Variants in RBFOX3 observed in about 807,000 individuals in gnomAD.
RBFOX3 encodes the protein RNA binding protein fox-1 homolog 3.
In RBFOX3, 17 loss-of-function variants were observed where a neutral mutation model predicts 48.7. That is an observed-to-expected ratio of 0.35 (90% CI 0.24 to 0.52). RBFOX3 has a LOEUF of 0.52. Among genes scored for constraint, RBFOX3 ranks in the 20% least tolerant of loss-of-function variants. RBFOX3 has a pLI of 0.94. For missense variants in RBFOX3, 382 were observed against 497.5 expected, an observed-to-expected ratio of 0.77 and a Z score of 2.21; for synonymous variants, 212 against 209.5, an observed-to-expected ratio of 1.01 and a Z score of -0.10.
At chr17:79,276,455 G>A (rs1282701381) in intron 3 of RBFOX3, among the ~76,000 whole-genome samples, 2 of 152,182 alleles carry the variant, frequency 1.3e-5, no homozygotes, top group African/African-American at 2.4e-5. Flanking sequence ...GGAGGCTGAG[G>A]CGGGCGGATC....
intron 1 of RBFOX3, among the ~76,000 whole-genome samples, chr17:79,537,158 C>T (rs2088940696): frequency 6.6e-6 from 1 of 152,000 alleles, no homozygotes; most frequent in Non-Finnish European, 1.5e-5. Context: ...CATTTATCCT[C>T]TTACAGTTCA....
chr17:79,463,130 G>A (rs551577954), intron 2 of RBFOX3, among the ~76,000 whole-genome samples: 23 of 141,176 alleles, frequency 1.6e-4, no homozygotes, highest in African/African-American at 4.8e-4. Context: ...CATCGCCACC[G>A]CCACTGCCAC....
At chr17:79,462,223 C>T (rs1160367556) in intron 2 of RBFOX3, among the ~76,000 whole-genome samples, 1 of 152,220 alleles carries the variant, frequency 6.6e-6, no homozygotes, top group Non-Finnish European at 1.5e-5. Flanking sequence ...CCAACAAACA[C>T]TCATGAGATG....
At chr17:79,150,983 G>A (rs1197586754) in intron 4 of RBFOX3, among the ~76,000 whole-genome samples, 2 of 152,180 alleles carry the variant, frequency 1.3e-5, no homozygotes, top group Admixed American at 6.5e-5. Context: ...GCTGGTGGCC[G>A]CCCCGCTGCT....
chr17:79,606,035 T>C (rs2093822310), intron 1 of RBFOX3, among the ~76,000 whole-genome samples: 1 of 152,168 alleles, frequency 6.6e-6, no homozygotes, highest in African/African-American at 2.4e-5. Flanking sequence ...CTGCAGAGCC[T>C]TCGATACCAC....
chr17:79,398,868 A>G (rs1211402375), intron 2 of RBFOX3, among the ~76,000 whole-genome samples: 1 of 152,206 alleles, frequency 6.6e-6, no homozygotes, highest in African/African-American at 2.4e-5. Context: ...AGATAAGTTG[A>G]AGCGCAAACC....
At chr17:79,631,027 G>A in the RBFOX3 span, among the ~76,000 whole-genome samples, 1 of 152,258 alleles carries the variant, frequency 6.6e-6, no homozygotes, top group Admixed American at 6.5e-5. Context: ...CACTCAGACA[G>A]CAAAGCAAGT....
intron 4 of RBFOX3, among the ~76,000 whole-genome samples, chr17:79,177,991 G>A (rs1030353252): frequency 6.6e-6 from 1 of 152,152 alleles, no homozygotes; most frequent in Non-Finnish European, 1.5e-5. Context: ...GAGGCTGCTG[G>A]CTGCGCACAG....
At chr17:79,342,088 C>A (rs1038478968) in intron 2 of RBFOX3, among the ~76,000 whole-genome samples, 2 of 152,254 alleles carry the variant, frequency 1.3e-5, no homozygotes, top group African/African-American at 4.8e-5. Context: ...GCGATAAAAG[C>A]CATGTGCTTC....
chr17:79,178,998 C>T (rs1166868207), intron 4 of RBFOX3, among the ~76,000 whole-genome samples: 1 of 152,166 alleles, frequency 6.6e-6, no homozygotes, highest in Non-Finnish European at 1.5e-5. Flanking sequence ...ACTCTCTAGC[C>T]ACCCATGCTG....
Position 79,095,657 on chromosome 17 carries a change from C to A in RBFOX3, c.937-83G>T, listed in dbSNP as rs138199975. On this transcript the variant is annotated intron_variant, in intron 12 of 14. Transcript: ENST00000693108. Reference sequence around the variant, plus strand: ...AGGCTGAGTGGGGAGAGGAGACAGACCCTGTGCGGGTGGGGCCCTGGGAGG... The same window carrying A: ...AGGCTGAGTGGGGAGAGGAGACAGAACCTGTGCGGGTGGGGCCCTGGGAGG... The A allele has an allele frequency of 6.8e-5, 87 of 1,280,888 alleles. No individual in the cohort carries two copies. In the African/African-American group the frequency reaches 1.1e-3, roughly 17 times the overall value. The allele number at this position is 1,280,888 out of a possible 1,614,324, so 79.3% of individuals were successfully genotyped here.
chr17:79,478,700 C>T (rs1375110289), intron 2 of RBFOX3, among the ~76,000 whole-genome samples: 4 of 152,170 alleles, frequency 2.6e-5, no homozygotes, highest in South Asian at 4.1e-4. Context: ...AGCAGATGAC[C>T]CTCCTCTGGA....
chr17:79,393,233 G>A (rs1039929341), intron 2 of RBFOX3, among the ~76,000 whole-genome samples: 19 of 152,194 alleles, frequency 1.2e-4, no homozygotes, highest in African/African-American at 3.6e-4. Context: ...TTCCACCCGC[G>A]TAGCCGCCTG....
chr17:79,358,492 G>T (rs930642438), intron 2 of RBFOX3, among the ~76,000 whole-genome samples: 2 of 151,958 alleles, frequency 1.3e-5, no homozygotes, highest in Non-Finnish European at 2.9e-5. Flanking sequence ...ATGGAGTTCT[G>T]CCCTGTCACT....
chr17:79,556,343 GA>G (rs2091756204), intron 1 of RBFOX3, among the ~76,000 whole-genome samples: 2 of 132,532 alleles, frequency 1.5e-5, no homozygotes, highest in African/African-American at 6.2e-5. Flanking sequence ...AGGCAAAATA[GA>G]CAGCAGTTCC....
chr17:79,496,224 G>A (rs1316042308), intron 1 of RBFOX3, among the ~76,000 whole-genome samples: 5 of 152,122 alleles, frequency 3.3e-5, no homozygotes, highest in Middle Eastern at 3.4e-3. Flanking sequence ...CCTAAAAGCC[G>A]GTGGGCCTGG....
chr17:79,629,367 A>G, the RBFOX3 span, among the ~76,000 whole-genome samples: 1 of 152,286 alleles, frequency 6.6e-6, no homozygotes, highest in East Asian at 1.9e-4. Flanking sequence ...ACAAAAGAAG[A>G]CTGAGAAATG....
At chr17:79,227,654 GGAGCACATGT>G (rs2060475137) in intron 4 of RBFOX3, among the ~76,000 whole-genome samples, 1 of 149,296 alleles carries the variant, frequency 6.7e-6, no homozygotes. Context: ...GCTTATAACT[GGAGCACATGT>G]GATGGCCAAG....
chr17:79,484,476 G>GGGGGCCTGGGTGCA, intron 1 of RBFOX3, among the ~76,000 whole-genome samples: 1 of 127,970 alleles, frequency 7.8e-6, no homozygotes, highest in East Asian at 2.6e-4. Flanking sequence ...CCTGGGTGCA[G>GGGGGCCTGGGTGCA]GGGGCCTGGG....
Sources: gnomAD v4.1 joint callset for allele counts (sites outside exome capture counted in the v4.1 genomes callset) on GRCh38, gnomAD v4.1.1 for gene constraint, MANE v1.5 for transcripts, NCBI Gene and HGNC (gene_info 2026-07-23, HGNC 2026-07-21) for gene names.